The following WDPCP variants were observed in gnomAD, a reference collection of about 807,000 sequenced individuals.
WDPCP encodes the protein WD repeat-containing and planar cell polarity effector protein fritz homolog.
WDPCP carries 71 observed loss-of-function variants against 93.1 expected under a neutral mutation model. That is an observed-to-expected ratio of 0.76 (90% confidence interval 0.63 to 0.93). The LOEUF (loss-of-function observed/expected upper bound fraction) is 0.93. Ranked by LOEUF, WDPCP falls within the 40% of genes least tolerant of loss-of-function variation. WDPCP has a pLI of 0.00. For missense variants in WDPCP, 844 were observed against 887.4 expected, an observed-to-expected ratio of 0.95 and a Z score of 0.62; for synonymous variants, 315 against 315.0, an observed-to-expected ratio of 1.00 and a Z score of 0.00.
intron 2 of WDPCP, among the ~76,000 whole-genome samples, chr2:63,683,435 C>T (rs1455087643): frequency 6.6e-6 from 1 of 151,942 alleles, no homozygotes; most frequent in Admixed American, 6.6e-5. Context: ...CAAAAGAGAG[C>T]AGGAATAGCT....
At chr2:63,778,238 C>T (rs1258419344) in intron 2 of WDPCP, among the ~76,000 whole-genome samples, 1 of 151,008 alleles carries the variant, frequency 6.6e-6, no homozygotes, top group Admixed American at 6.6e-5. Context: ...GACAGAGTCT[C>T]ACTCTGTCTC....
intron 14 of WDPCP, among the ~76,000 whole-genome samples, chr2:63,215,082 C>G (rs1263704486): frequency 6.6e-6 from 1 of 152,208 alleles, no homozygotes; most frequent in Non-Finnish European, 1.5e-5. Flanking sequence ...CCATCCCCAT[C>G]AAGCTACCAA....
chr2:63,238,223 T>C lies in WDPCP; in HGVS notation c.1915+21084A>G, dbSNP rs1374740096. Among the ~76,000 whole-genome samples the C allele has an allele frequency of 2.0e-5, 3 of 152,242 alleles. No individual in the cohort carries two copies. In the East Asian group the frequency reaches 5.8e-4, roughly 29 times the overall value. On this transcript the variant is annotated intron_variant, in intron 14 of 17. Transcript: ENST00000272321. ...CACCACTGAAAAGTGAAATAATTCA[T>C]TTTTGATTCTACAATATAAGCTAGC...
chr2:63,486,468 G>T, intron 4 of WDPCP, 74 bp downstream of exon 4: 1 of 1,372,368 alleles, frequency 7.3e-7, no homozygotes, highest in Non-Finnish European at 1.0e-6. Context: ...TTTCCTCTTT[G>T]TTCCAGATGA....
At chr2:63,592,068 CCT>C (rs1306167597), upstream of WDPCP, among the ~76,000 whole-genome samples, 5 of 152,150 alleles carry the variant, frequency 3.3e-5, no homozygotes, top group East Asian at 3.9e-4. Flanking sequence ...TCTCTAGCCC[CCT>C]GTTTTAGAAA....
chr2:63,371,328 C>T (rs1411453755), intron 12 of WDPCP, among the ~76,000 whole-genome samples: 1 of 152,096 alleles, frequency 6.6e-6, no homozygotes, highest in Non-Finnish European at 1.5e-5. Flanking sequence ...AACTGGCCAC[C>T]ATCGCTTACT....
intron 17 of WDPCP, among the ~76,000 whole-genome samples, chr2:63,125,841 C>T (rs1669861482): frequency 6.6e-6 from 1 of 152,072 alleles, no homozygotes; most frequent in African/African-American, 2.4e-5. Context: ...GAACTCTTGA[C>T]CTCAGGCAAT....
intron 3 of WDPCP, chr2:63,622,500 C>G (rs972377705): frequency 1.2e-6 from 2 of 1,613,920 alleles, no homozygotes; most frequent in African/African-American, 1.3e-5. Flanking sequence ...GTAAACACAT[C>G]GTTCCTCCAC....
intron 1 of WDPCP, among the ~76,000 whole-genome samples, chr2:63,561,284 C>A (rs1706595488): frequency 1.3e-5 from 2 of 152,086 alleles, no homozygotes; most frequent in African/African-American, 4.8e-5. Context: ...TGAGACCATC[C>A]TGGCTAACAT....
intron 13 of WDPCP, among the ~76,000 whole-genome samples, chr2:63,311,551 G>T (rs1426940105): frequency 6.6e-6 from 1 of 152,126 alleles, no homozygotes; most frequent in African/African-American, 2.4e-5. Context: ...ATGACTGTTT[G>T]CTTTTGCAAA....
At chr2:63,187,271 T>C (rs190235190) in intron 14 of WDPCP, among the ~76,000 whole-genome samples, 36 of 152,342 alleles carry the variant, frequency 2.4e-4, no homozygotes, top group African/African-American at 8.7e-4. Context: ...AAAGTGCTTC[T>C]ATGCAGCATA....
intron 2 of WDPCP, among the ~76,000 whole-genome samples, chr2:63,808,766 C>T (rs570603108): frequency 9.1e-4 from 139 of 152,320 alleles, no homozygotes; most frequent in South Asian, 4.6e-3. Context: ...GCCGCCACCC[C>T]GTTTGGGAAG....
chr2:63,222,482 G>A (rs1229660600), intron 14 of WDPCP, among the ~76,000 whole-genome samples: 2 of 152,192 alleles, frequency 1.3e-5, no homozygotes, highest in Admixed American at 6.6e-5. Flanking sequence ...CAAGCACCTA[G>A]TGTTTCACCT....
At chr2:63,350,172 C>T (rs557075053) in intron 12 of WDPCP, among the ~76,000 whole-genome samples, 1 of 152,150 alleles carries the variant, frequency 6.6e-6, no homozygotes, top group African/African-American at 2.4e-5. Flanking sequence ...CCATCATTAT[C>T]AGCAAACTAT....
At chr2:63,565,699 C>T (rs953344204) in intron 1 of WDPCP, among the ~76,000 whole-genome samples, 2 of 152,044 alleles carry the variant, frequency 1.3e-5, no homozygotes, top group Non-Finnish European at 2.9e-5. Flanking sequence ...AGTTAAGCCT[C>T]TATTTTTGAA....
At chr2:63,404,026 C>T (rs1373488792) in intron 10 of WDPCP, 22 bp downstream of exon 10, 1 of 1,613,748 alleles carries the variant, frequency 6.2e-7, no homozygotes, top group Non-Finnish European at 8.5e-7. Flanking sequence ...AATTTACTTA[C>T]TCATCACTTT....
intron 2 of WDPCP, among the ~76,000 whole-genome samples, chr2:63,765,102 T>C (rs1440114999): frequency 6.6e-6 from 1 of 152,208 alleles, no homozygotes; most frequent in Non-Finnish European, 1.5e-5. Flanking sequence ...AATTTTACAG[T>C]CTAAAGGTAG....
intron 14 of WDPCP, among the ~76,000 whole-genome samples, chr2:63,230,189 G>A (rs560015573): frequency 2.7e-5 from 4 of 149,818 alleles, no homozygotes; most frequent in Non-Finnish European, 5.9e-5. Context: ...TGCAGTGTTT[G>A]GTTTTCTGTC....
intron 13 of WDPCP, among the ~76,000 whole-genome samples, chr2:63,263,745 T>C (rs1446571352): frequency 2.0e-5 from 3 of 152,046 alleles, no homozygotes; most frequent in Non-Finnish European, 2.9e-5. Context: ...GGCTAGCACA[T>C]ACAGGAATAA....
Sources: allele counts gnomAD v4.1 joint callset (sites outside exome capture counted in the v4.1 genomes callset), GRCh38; gene constraint gnomAD v4.1.1; transcripts MANE v1.5; gene names NCBI Gene and HGNC (gene_info 2026-07-23, HGNC 2026-07-21).